SLC2A9: variants seen among roughly 807,000 people sequenced by gnomAD.
SLC2A9 encodes solute carrier family 2, facilitated glucose transporter member 9.
Under a neutral mutation model 50.6 loss-of-function variants are expected in SLC2A9, and 39 were observed. The observed-to-expected ratio is 0.77, with a 90% CI of 0.60 to 1.01. SLC2A9 has a LOEUF of 1.01. Among genes scored for constraint, SLC2A9 ranks in the 50% least tolerant of loss-of-function variants. The pLI is 0.00. For synonymous variants in SLC2A9, 324 were observed against 276.9 expected, an observed-to-expected ratio of 1.17 and a Z score of -1.69; for missense variants, 686 against 677.6, an observed-to-expected ratio of 1.01 and a Z score of -0.14.
At chr4:10,025,425 C>A (rs1341155939), upstream of SLC2A9, among the ~76,000 whole-genome samples, 1 of 152,244 alleles carries the variant, frequency 6.6e-6, no homozygotes, top group African/African-American at 2.4e-5. Flanking sequence ...ACAGAGTAGG[C>A]ACTCTCTGGC....
chr4:10,025,539 G>A (rs1197613473), upstream of SLC2A9, among the ~76,000 whole-genome samples: 1 of 152,170 alleles, frequency 6.6e-6, no homozygotes, highest in Non-Finnish European at 1.5e-5. Context: ...GGAAGGGGCA[G>A]GTCGACTAAG....
At chr4:9,772,365 C>T (rs1433883320) in intron 1 of SLC2A9, among the ~76,000 whole-genome samples, 1 of 152,250 alleles carries the variant, frequency 6.6e-6, no homozygotes, top group African/African-American at 2.4e-5. Context: ...TCCTTCCTGG[C>T]CTTTCCACAT....
chr4:9,880,948 A>G (rs1392523170), intron 10 of SLC2A9, among the ~76,000 whole-genome samples: 1 of 152,082 alleles, frequency 6.6e-6, no homozygotes, highest in Admixed American at 6.5e-5. Flanking sequence ...AGACTCCCCA[A>G]CAGACCTCTA....
intron 1 of SLC2A9, chr4:10,035,189 GCAT>G (rs1764059439): frequency 6.6e-6 from 1 of 152,252 alleles, no homozygotes; most frequent in Non-Finnish European, 1.5e-5. Context: ...CAGCTAAGCT[GCAT>G]CCTAGGCACC....
chr4:9,950,686 G>A lies in SLC2A9; in HGVS notation c.682-8641C>T, dbSNP rs867209592. Among the ~76,000 whole-genome samples, 459 of 74,972 alleles carry A rather than the reference G, an allele frequency of 6.1e-3. 39 individuals carry two copies. Among genetic ancestry groups the A allele is most frequent in the East Asian group, 0.038 (86 of 2,260 alleles). The allele number at this position is 74,972 out of a possible 152,430, so 49.2% of individuals were successfully genotyped here. ...GCTGTGAAAGAAAACAGTATGGAGA[G>A]ATCGAGACCATCCTGGCTAACACGG... On this transcript the variant is annotated intron_variant, in intron 5 of 11. Coordinates refer to ENST00000264784, the MANE Select transcript of SLC2A9 (RefSeq NM_020041.3).
intron 5 of SLC2A9, among the ~76,000 whole-genome samples, chr4:9,954,078 G>A (rs1475432864): frequency 2.0e-5 from 3 of 152,184 alleles, no homozygotes; most frequent in Admixed American, 6.5e-5. Flanking sequence ...CAAAGTGCTG[G>A]GATTACAGGC....
chr4:9,949,514 T>C (rs781064158), intron 5 of SLC2A9, among the ~76,000 whole-genome samples: 32 of 152,354 alleles, frequency 2.1e-4, no homozygotes, highest in South Asian at 6.2e-4. Flanking sequence ...AATGTAGACC[T>C]GTAAAGGTCA....
At chr4:9,913,908 C>A (rs906187130) in intron 7 of SLC2A9, among the ~76,000 whole-genome samples, 1 of 152,202 alleles carries the variant, frequency 6.6e-6, no homozygotes, top group South Asian at 2.1e-4. Flanking sequence ...TCTGTCTCCC[C>A]CTCTCTAACC....
chr4:9,928,967 A>G (rs1197602217), intron 6 of SLC2A9, among the ~76,000 whole-genome samples: 2 of 152,116 alleles, frequency 1.3e-5, no homozygotes, highest in African/African-American at 4.8e-5. Flanking sequence ...TGCATTTTCA[A>G]CTCCCAAAAC....
intron 8 of SLC2A9, among the ~76,000 whole-genome samples, chr4:9,891,768 C>G (rs1313174425): frequency 6.6e-6 from 1 of 152,144 alleles, no homozygotes; most frequent in Non-Finnish European, 1.5e-5. Flanking sequence ...GAGGCAGGAG[C>G]AGACAGAGAT....
intron 10 of SLC2A9, chr4:9,880,385 T>G: frequency 1.0e-6 from 1 of 985,204 alleles, no homozygotes; most frequent in African/African-American, 1.7e-5. Context: ...GATTGGGAGG[T>G]GCAGGTGGCC....
intron 11 of SLC2A9, 109 bp downstream of exon 11, chr4:9,834,772 G>T (rs1295406689): frequency 1.3e-6 from 2 of 1,520,536 alleles, no homozygotes; most frequent in Admixed American, 1.8e-5. Context: ...AAAATAGCAT[G>T]AGTTTCCAGT....
At chr4:9,827,697 A>T (rs150251636) in intron 11 of SLC2A9, among the ~76,000 whole-genome samples, 9 of 152,266 alleles carry the variant, frequency 5.9e-5, no homozygotes, top group African/African-American at 1.9e-4. Context: ...ATTAAATGAG[A>T]CATTCCCTTT....
At chr4:9,782,329 C>T (rs780559451) in intron 3 of SLC2A9, 10 of 1,613,894 alleles carry the variant, frequency 6.2e-6, no homozygotes, top group African/African-American at 1.3e-5. Context: ...GGAAGGCAGT[C>T]GCCGAGGTGG....
intron 10 of SLC2A9, among the ~76,000 whole-genome samples, chr4:9,836,088 C>CAAAAAAAAAAAAAAA (rs35303241): frequency 6.2e-5 from 3 of 48,216 alleles, no homozygotes; most frequent in Admixed American, 3.1e-4. Flanking sequence ...AACTCCCTCT[C>CAAAAAAAAAAAAAAA]AAAAAAAAAA....
At chr4:9,789,377 A>C (rs1183671088) in intron 3 of SLC2A9, among the ~76,000 whole-genome samples, 1 of 152,234 alleles carries the variant, frequency 6.6e-6, no homozygotes, top group African/African-American at 2.4e-5. Context: ...TGTGTCCTTA[A>C]GAGCTGAGAG....
intron 10 of SLC2A9, among the ~76,000 whole-genome samples, chr4:9,839,324 T>TA (rs781337775): frequency 3.3e-5 from 5 of 151,960 alleles, no homozygotes; most frequent in Admixed American, 6.6e-5. Context: ...TACTAAAAAC[T>TA]AAAAAAATAA....
chr4:9,838,107 A>C (rs1419645113), intron 10 of SLC2A9, among the ~76,000 whole-genome samples: 1 of 152,208 alleles, frequency 6.6e-6, no homozygotes, highest in Non-Finnish European at 1.5e-5. Flanking sequence ...TAATAATAAT[A>C]ATCAAGACTC....
At chr4:10,018,610 T>A (rs1472816661) in intron 2 of SLC2A9, among the ~76,000 whole-genome samples, 3 of 133,170 alleles carry the variant, frequency 2.3e-5, no homozygotes, top group East Asian at 3.8e-4. Flanking sequence ...ACAAAACAAA[T>A]CAAGAAAATG....
Sources: allele counts gnomAD v4.1 joint callset (sites outside exome capture counted in the v4.1 genomes callset), GRCh38; gene constraint gnomAD v4.1.1; transcripts MANE v1.5; gene names NCBI Gene and HGNC (gene_info 2026-07-23, HGNC 2026-07-21).